Variants in ZGPAT observed in about 807,000 individuals in gnomAD.
The protein encoded by ZGPAT is zinc finger CCCH-type with G patch domain-containing protein.
In ZGPAT, 39 loss-of-function variants were observed where a neutral mutation model predicts 47.9. That is an observed-to-expected ratio of 0.81 (90% CI 0.63 to 1.06). The LOEUF (loss-of-function observed/expected upper bound fraction) is 1.06, where lower values mean the gene tolerates loss of function less well. Ranked by LOEUF, ZGPAT falls within the 50% of genes least tolerant of loss-of-function variation. ZGPAT has a pLI of 0.00. For synonymous variants in ZGPAT, 348 were observed against 292.9 expected (o/e 1.19, Z -1.92); for missense variants, 717 against 681.4 (o/e 1.05, Z -0.58).
intron 2 of ZGPAT, among the ~76,000 whole-genome samples, chr20:63,723,028 T>C (rs2091804118): frequency 6.6e-6 from 1 of 152,150 alleles, no homozygotes; most frequent in African/African-American, 2.4e-5. Context: ...ACCTCCCTTT[T>C]CCTCTGACAT....
At chr20:63,732,098 T>TGCAG (rs754828434) in intron 2 of ZGPAT, among the ~76,000 whole-genome samples, 2 of 151,910 alleles carry the variant, frequency 1.3e-5, no homozygotes, top group Non-Finnish European at 2.9e-5. Context: ...TGCATGTATG[T>TGCAG]GTATATGCAT....
chr20:63,732,145 G>T (rs1427200847), intron 2 of ZGPAT, among the ~76,000 whole-genome samples: 2 of 152,012 alleles, frequency 1.3e-5, no homozygotes, highest in Admixed American at 1.3e-4. Context: ...ACACGTGAGG[G>T]TGCATGTGTG....
In ZGPAT at chr20:63,708,543, C is replaced by A; in HGVS notation, c.-28-10C>A. On this transcript the variant is annotated splice_polypyrimidine_tract_variant and intron_variant, in intron 1 of 6. Coordinates refer to ENST00000355969, the MANE Select transcript of ZGPAT (RefSeq NM_181485.3). ...GAGACGCGGGGCTCAGCTGGCTTCT[C>A]TTCTTGCAGCCCTGGTCCAGCGCCT... 1 of 1,537,370 alleles carries A rather than the reference C, an allele frequency of 6.5e-7. No individual in the cohort carries two copies. The highest frequency in any genetic ancestry group is 1.2e-5 in the South Asian group (1 of 80,570).
At chr20:63,716,931 C>G (rs2091735396) in intron 2 of ZGPAT, among the ~76,000 whole-genome samples, 2 of 152,212 alleles carry the variant, frequency 1.3e-5, no homozygotes, top group Admixed American at 1.3e-4. Context: ...ATCCGCCCAC[C>G]TTGGCCTCCC....
chr20:63,727,228 ATT>A (rs11476997), intron 2 of ZGPAT, among the ~76,000 whole-genome samples: 15 of 140,076 alleles, frequency 1.1e-4, no homozygotes, highest in African/African-American at 2.8e-4. Context: ...TTTCCATTTG[ATT>A]TTTTTTTTTC....
chr20:63,709,261 G>A, intron 2 of ZGPAT, 97 bp downstream of exon 2: 2 of 1,383,640 alleles, frequency 1.4e-6, no homozygotes, highest in South Asian at 1.2e-5. Flanking sequence ...TTGCAGTTTT[G>A]TCTCAGCTTC....
chr20:63,720,142 T>C (rs1003250956), intron 2 of ZGPAT, among the ~76,000 whole-genome samples: 21 of 151,990 alleles, frequency 1.4e-4, no homozygotes, highest in African/African-American at 4.8e-4. Context: ...TTCTTTATTT[T>C]TAAAAAATTT....
intron 2 of ZGPAT, among the ~76,000 whole-genome samples, chr20:63,718,488 A>G (rs1051995128): frequency 2.6e-5 from 4 of 151,854 alleles, no homozygotes; most frequent in African/African-American, 9.7e-5. Context: ...ACACACCACC[A>G]CACCTGGCTA....
At chr20:63,725,926 T>A (rs2091841402) in intron 2 of ZGPAT, among the ~76,000 whole-genome samples, 1 of 148,894 alleles carries the variant, frequency 6.7e-6, no homozygotes, top group South Asian at 2.1e-4. Flanking sequence ...TCCACCACCT[T>A]CGAGGTTCAA....
chr20:63,709,193 C>T (rs1236112658), intron 2 of ZGPAT, 29 bp downstream of exon 2: 2 of 1,601,754 alleles, frequency 1.2e-6, no homozygotes. Context: ...AGATGCCAAC[C>T]TTAGGGGCGT....
intron 2 of ZGPAT, among the ~76,000 whole-genome samples, chr20:63,722,224 G>A (rs1300016418): frequency 1.3e-5 from 2 of 152,132 alleles, no homozygotes; most frequent in African/African-American, 4.8e-5. Context: ...CCTTCCCCAT[G>A]GCTACATGTG....
intron 2 of ZGPAT, among the ~76,000 whole-genome samples, chr20:63,717,424 A>G (rs1374726702): frequency 1.5e-5 from 2 of 136,322 alleles, no homozygotes; most frequent in Non-Finnish European, 3.0e-5. Flanking sequence ...ATCTCAGCTC[A>G]CTGCAGCCTC....
At chr20:63,713,334 C>T (rs919514095) in intron 2 of ZGPAT, among the ~76,000 whole-genome samples, 1 of 151,694 alleles carries the variant, frequency 6.6e-6, no homozygotes, top group Non-Finnish European at 1.5e-5. Context: ...GGGTTCACAC[C>T]ATTCTTCTGC....
At chr20:63,719,754 T>C (rs1454441208) in intron 2 of ZGPAT, among the ~76,000 whole-genome samples, 1 of 151,618 alleles carries the variant, frequency 6.6e-6, no homozygotes, top group African/African-American at 2.4e-5. Context: ...TTTTTTTTTT[T>C]TTTGAAGCGG....
In ZGPAT at chr20:63,715,333, G is replaced by A. The variant is rs571931795; in HGVS notation, c.584+6169G>A. Among the ~76,000 whole-genome samples the A allele has an allele frequency of 8.0e-5, 12 of 149,766 alleles. No individual in the cohort carries two copies. The South Asian group carries it at 8.5e-4, about 11-fold the overall frequency. On this transcript the variant is annotated intron_variant, in intron 2 of 6. Coordinates refer to ENST00000355969, the MANE Select transcript of ZGPAT (RefSeq NM_181485.3). ...CGGCTCACTGCAACCTCCATCTCCC[G>A]GGTTCAAGCAATTCTCCTGCCTCAG...
intron 2 of ZGPAT, among the ~76,000 whole-genome samples, chr20:63,717,442 C>T (rs1163453853): frequency 6.6e-6 from 1 of 151,396 alleles, no homozygotes; most frequent in Admixed American, 6.6e-5. Flanking sequence ...CTCCGCCGCC[C>T]AGGCGATTCT....
intron 2 of ZGPAT, among the ~76,000 whole-genome samples, chr20:63,714,397 G>A (rs2145645554): frequency 7.0e-6 from 1 of 143,790 alleles, no homozygotes; most frequent in South Asian, 2.2e-4. Flanking sequence ...CTCCACTCCA[G>A]CCTGGACGAC....
At chr20:63,723,907 C>A (rs986550828) in intron 2 of ZGPAT, among the ~76,000 whole-genome samples, 1 of 151,592 alleles carries the variant, frequency 6.6e-6, no homozygotes. Flanking sequence ...CCATCTCCAC[C>A]AAAATTACAA....
intron 2 of ZGPAT, among the ~76,000 whole-genome samples, chr20:63,732,704 ATGTGTACTTGTGTATGTG>A (rs1488282753): frequency 2.0e-5 from 3 of 150,726 alleles, no homozygotes; most frequent in Non-Finnish European, 4.4e-5. Context: ...ATGTGTATAC[ATGTGTACTTGTGTATGTG>A]TATATGTGTA....
Sources: gnomAD v4.1 joint callset for allele counts (sites outside exome capture counted in the v4.1 genomes callset) on GRCh38, gnomAD v4.1.1 for gene constraint, MANE v1.5 for transcripts, NCBI Gene and HGNC (gene_info 2026-07-23, HGNC 2026-07-21) for gene names.